Variants in TPD52L2 observed in about 807,000 individuals in gnomAD.
The protein encoded by TPD52L2 is tumor protein D54.
TPD52L2 carries 19 observed loss-of-function variants against 24.7 expected under a neutral mutation model. The ratio of observed to expected loss-of-function variants is 0.77; its 90% CI spans 0.54 to 1.13. The LOEUF (loss-of-function observed/expected upper bound fraction) is 1.13. Among genes scored for constraint, TPD52L2 ranks in the 50% most tolerant of loss-of-function variants. The pLI is 0.00. For synonymous variants in TPD52L2, 104 were observed against 100.2 expected (o/e 1.04, Z -0.23); for missense variants, 236 against 250.4 (o/e 0.94, Z 0.39).
At chr20:63,871,444 A>C (rs2146187869) in intron 2 of TPD52L2, among the ~76,000 whole-genome samples, 1 of 144,990 alleles carries the variant, frequency 6.9e-6, no homozygotes, top group Admixed American at 6.9e-5. Flanking sequence ...CCACCTCCTG[A>C]GTTGAAGTGA....
chr20:63,875,907 T>C, intron 4 of TPD52L2, 32 bp downstream of exon 4: 5 of 1,609,390 alleles, frequency 3.1e-6, no homozygotes, highest in Non-Finnish European at 4.3e-6. Flanking sequence ...ACCTCCTCCT[T>C]CCTCCTCTCC....
intron 1 of TPD52L2, 35 bp from the exon 2 acceptor site, chr20:63,869,261 T>C (rs1402232443): frequency 6.2e-6 from 10 of 1,612,800 alleles, no homozygotes; most frequent in South Asian, 1.1e-5. Context: ...AACTAACTTA[T>C]TTGACACTTT....
rs576810497 is a variant in TPD52L2 at position 63,879,167 on chromosome 20, C to T, written c.374+3292C>T. 3.9e-5 allele frequency among the ~76,000 whole-genome samples: 6 copies of T among 152,322 alleles called. No homozygotes were observed. The South Asian group carries it at 1.0e-3, about 26-fold the overall frequency. On this transcript the variant is annotated intron_variant, in intron 4 of 6. Transcript: ENST00000346249. ...GCCAGGGAGGCGCTGGTGGTGGCCT[C>T]AGGCTATGCAGGTGATGCCCATTGT...
chr20:63,869,031 A>G (rs1043005745), intron 1 of TPD52L2, among the ~76,000 whole-genome samples: 2 of 152,196 alleles, frequency 1.3e-5, no homozygotes, highest in East Asian at 1.9e-4. Context: ...CTGGGAAGCC[A>G]GAATTCGGGT....
rs1013469081 is a variant in TPD52L2, at chr20:63,877,267, C to T, written c.374+1392C>T. The T allele has an allele frequency of 2.6e-4, 81 of 314,458 alleles. No homozygotes were observed. The highest frequency in any genetic ancestry group is 1.4e-3 in the African/African-American group (63 of 45,154). The allele number at this position is 314,458 out of a possible 1,614,324, so 19.5% of individuals were successfully genotyped here. A position where few individuals can be genotyped will look rare whatever the true frequency, so the allele number is the denominator to read the frequency against. On this transcript the variant is annotated intron_variant, in intron 4 of 6. Transcript: ENST00000346249. The surrounding 1 kb of genome is among the most constrained non-coding windows in gnomAD (Gnocchi z 4.1). ...GTCTCAATCTCCTGACCTCGTGATCCGCCTGCCTCAGCCTCCCAAAGTGCT... is the reference window on the plus strand; with the variant it reads ...GTCTCAATCTCCTGACCTCGTGATCTGCCTGCCTCAGCCTCCCAAAGTGCT...
chr20:63,881,772 A>C (rs1029561682), intron 4 of TPD52L2, among the ~76,000 whole-genome samples: 13 of 152,210 alleles, frequency 8.5e-5, no homozygotes, highest in Non-Finnish European at 1.6e-4. Context: ...GAGCCGTGAT[A>C]AGGTGGCTGT....
intron 1 of TPD52L2, among the ~76,000 whole-genome samples, chr20:63,868,367 A>T (rs558886591): frequency 2.6e-5 from 4 of 152,354 alleles, no homozygotes; most frequent in South Asian, 2.1e-4. Flanking sequence ...TGACATGAAG[A>T]AAAAACAGTG....
intron 5 of TPD52L2, among the ~76,000 whole-genome samples, chr20:63,884,665 C>T (rs914630374): frequency 4.1e-4 from 62 of 152,270 alleles, no homozygotes; most frequent in Non-Finnish European, 4.1e-4. Context: ...GCAGCTGACC[C>T]GTGTCGTGTA....
chr20:63,869,268 C>G lies in TPD52L2; in HGVS notation c.20-28C>G, dbSNP rs1041097554. Reference sequence around the variant, plus strand: ...TTACTTGGAACTAACTTATTTGACACTTTGTGGCCTCATTTTGTCTCTGGC... The same window carrying G: ...TTACTTGGAACTAACTTATTTGACAGTTTGTGGCCTCATTTTGTCTCTGGC... On this transcript the variant is annotated intron_variant, in intron 1 of 6. Coordinates refer to ENST00000346249, the MANE Select transcript of TPD52L2 (RefSeq NM_003288.4). The G allele has an allele frequency of 1.8e-5, 29 of 1,613,372 alleles. No homozygotes were observed. The East Asian group carries it at 6.5e-4, about 36-fold the overall frequency.
At chr20:63,887,628 G>C in intron 5 of TPD52L2, 1 of 1,611,444 alleles carries the variant, frequency 6.2e-7, no homozygotes, top group Non-Finnish European at 8.5e-7. Flanking sequence ...TGCTCGCTGC[G>C]GCTCCAGAGC....
chr20:63,870,728 T>C (rs2052430929), intron 2 of TPD52L2, among the ~76,000 whole-genome samples: 1 of 150,990 alleles, frequency 6.6e-6, no homozygotes, highest in African/African-American at 2.4e-5. Context: ...GTTTGTTTTT[T>C]TTTTTTGGAG....
chr20:63,869,559 T>G, intron 2 of TPD52L2, 118 bp downstream of exon 2: 2 of 1,285,088 alleles, frequency 1.6e-6, no homozygotes, highest in Non-Finnish European at 2.2e-6. Flanking sequence ...TCACCTACCC[T>G]GCTCTGTGTT....
At chr20:63,889,375 TA>T in intron 6 of TPD52L2, 137 bp downstream of exon 6, 1 of 811,884 alleles carries the variant, frequency 1.2e-6, no homozygotes, top group Non-Finnish European at 2.1e-6. Context: ...TTGTGCCTTT[TA>T]CACAGTTCTC....
intron 4 of TPD52L2, among the ~76,000 whole-genome samples, chr20:63,878,734 G>A (rs555398000): frequency 9.2e-5 from 14 of 152,216 alleles, no homozygotes; most frequent in Admixed American, 6.5e-4. Flanking sequence ...CTGCCCAGGG[G>A]ACAGCTCACT....
chr20:63,869,930 T>A (rs892533729), intron 2 of TPD52L2, among the ~76,000 whole-genome samples: 5 of 152,122 alleles, frequency 3.3e-5, no homozygotes, highest in African/African-American at 1.2e-4. Context: ...CCCAGGAGTT[T>A]GAGAGCAGCC....
chr20:63,882,246 T>TG (rs1329316641), intron 4 of TPD52L2, among the ~76,000 whole-genome samples: 1 of 152,254 alleles, frequency 6.6e-6, no homozygotes, highest in Non-Finnish European at 1.5e-5. Context: ...AAGGGAAACT[T>TG]GCACGCATGG....
chr20:63,888,160 G>A (rs1246010005), intron 5 of TPD52L2: 2 of 157,690 alleles, frequency 1.3e-5, no homozygotes, highest in Admixed American at 1.2e-4. Flanking sequence ...TGTTCTCCTT[G>A]TGGGGACTCT....
chr20:63,865,433 G>T, intron 1 of TPD52L2, 49 bp downstream of exon 1: 1 of 1,499,236 alleles, frequency 6.7e-7, no homozygotes, highest in Non-Finnish European at 8.9e-7. Context: ...CAGGCTGCCC[G>T]TTGTTCTCCG....
chr20:63,874,549 C>T (rs544810984), intron 3 of TPD52L2, among the ~76,000 whole-genome samples: 1 of 151,912 alleles, frequency 6.6e-6, no homozygotes, highest in East Asian at 1.9e-4. Flanking sequence ...AATTTTTTCA[C>T]GTTTTATAGA....
Sources: gnomAD v4.1 joint callset for allele counts (sites outside exome capture counted in the v4.1 genomes callset) on GRCh38, gnomAD v4.1.1 for gene constraint, Gnocchi (gnomAD v3.1) non-coding constraint, MANE v1.5 for transcripts, NCBI Gene and HGNC (gene_info 2026-07-23, HGNC 2026-07-21) for gene names.